ABI3BP: variants seen among roughly 807,000 people sequenced by gnomAD.
ABI3BP encodes the protein ABI family member 3 binding protein, also known as target of Nesh-SH3.
In ABI3BP, 216 loss-of-function variants were observed where a neutral mutation model predicts 268.6. The ratio of observed to expected loss-of-function variants is 0.80; its 90% CI spans 0.72 to 0.90. The LOEUF (loss-of-function observed/expected upper bound fraction) is 0.90. ABI3BP is among the 40% of genes least tolerant of loss of function. The pLI, the probability that ABI3BP is intolerant of heterozygous loss-of-function variation, is 0.00. For missense variants in ABI3BP, 2,090 were observed against 2,182.4 expected, an observed-to-expected ratio of 0.96 and a Z score of 0.84; for synonymous variants, 730 against 730.0, an observed-to-expected ratio of 1.00 and a Z score of 0.00.
intron 12 of ABI3BP, chr3:100,863,764 C>A (rs1369895680): frequency 4.2e-5 from 20 of 475,386 alleles, no homozygotes; most frequent in Non-Finnish European, 6.4e-5. Context: ...TGTTCAGTGA[C>A]ATATTGATTC....
At chr3:100,764,106 C>T (rs1422363753) in intron 63 of ABI3BP, among the ~76,000 whole-genome samples, 2 of 152,182 alleles carry the variant, frequency 1.3e-5, no homozygotes, top group Non-Finnish European at 2.9e-5. Context: ...ACAACCATGC[C>T]ATTTTGGCCC....
intron 2 of ABI3BP, among the ~76,000 whole-genome samples, chr3:100,910,496 A>AAAATAAATTCTATTTCTTTCTACG (rs1561554033): frequency 2.6e-5 from 4 of 151,676 alleles, no homozygotes; most frequent in Admixed American, 2.6e-4. Context: ...TTCTTTCTAC[A>AAAATAAATTCTATTTCTTTCTACG]TTGTGAAAAT....
chr3:100,985,140 AC>A (rs1436696727), intron 1 of ABI3BP, among the ~76,000 whole-genome samples: 34 of 128,708 alleles, frequency 2.6e-4, no homozygotes, highest in Non-Finnish European at 4.8e-4. Context: ...TCAGAAAAGC[AC>A]TTTTTTTTTT....
intron 24 of ABI3BP, 96 bp downstream of exon 24, chr3:100,839,473 T>C: frequency 8.0e-7 from 1 of 1,252,352 alleles, no homozygotes; most frequent in Admixed American, 2.0e-5. Flanking sequence ...GAAACTGTGA[T>C]GAGGTGGTGG....
intron 3 of ABI3BP, among the ~76,000 whole-genome samples, chr3:100,900,657 A>G (rs2153488904): frequency 6.6e-6 from 1 of 152,290 alleles, no homozygotes; most frequent in South Asian, 2.1e-4. Flanking sequence ...ATCTTAATAT[A>G]AAAATAATTA....
Position 100,804,821 on chromosome 3 carries a change from G to T in ABI3BP, c.3728C>A (p.Pro1243Gln). 1 of 1,613,118 alleles carries T rather than the reference G, an allele frequency of 6.2e-7. No homozygotes were observed. The highest frequency in any genetic ancestry group is 8.5e-7 in the Non-Finnish European group (1 of 1,179,236). ...QRVTAKPKTSPSPEVSYTTPA... is the reference protein window; with the variant it reads ...QRVTAKPKTSQSPEVSYTTPA... ...TGTGGTGTATGACACTTCTGGACTTGGTGACGTTTTTGGTTTTGCAGTAAC... is the reference window on the plus strand; with the variant it reads ...TGTGGTGTATGACACTTCTGGACTTTGTGACGTTTTTGGTTTTGCAGTAAC... Residue 1243 changes from proline (P) to glutamine (Q), a missense_variant, in exon 51 of 68, where the codon CCA becomes CAA. Transcript: ENST00000471714.
chr3:100,804,050 G>C (rs2097617687), intron 51 of ABI3BP, among the ~76,000 whole-genome samples: 2 of 152,154 alleles, frequency 1.3e-5, no homozygotes, highest in Non-Finnish European at 2.9e-5. Flanking sequence ...TAAAAGGAAA[G>C]AGAAAAAACT....
intron 50 of ABI3BP, among the ~76,000 whole-genome samples, 171 bp downstream of exon 50, chr3:100,807,990 C>A (rs1578430502): frequency 6.6e-6 from 1 of 151,924 alleles, no homozygotes; most frequent in Non-Finnish European, 1.5e-5. Flanking sequence ...CAATGATGTA[C>A]TTTTTTAGTA....
At chr3:100,968,107 C>T (rs2082060854) in intron 1 of ABI3BP, among the ~76,000 whole-genome samples, 1 of 152,160 alleles carries the variant, frequency 6.6e-6, no homozygotes, top group African/African-American at 2.4e-5. Flanking sequence ...ACAATCTGGC[C>T]ATACCTGCCC....
intron 15 of ABI3BP, 25 bp downstream of exon 15, chr3:100,851,850 G>A (rs180785810): frequency 4.5e-6 from 7 of 1,559,360 alleles, no homozygotes; most frequent in Non-Finnish European, 5.2e-6. Context: ...GGGATCCAAA[G>A]ACAGAATTGA....
chr3:100,851,889 G>A lies in ABI3BP; in HGVS notation c.1337C>T (p.Ser446Leu). The A allele has an allele frequency of 6.3e-7, 1 of 1,590,060 alleles. No homozygotes were observed. Among genetic ancestry groups the A allele is most frequent in the Non-Finnish European group, 8.6e-7 (1 of 1,168,782 alleles). ...GCCAGATATACCTGTGTAGGAATCT[G>A]ATATCTCAGGCTCATCTGATGTTGT... ...SPTTSDEPEI[S>L]DSYTATSDRI... The change falls in exon 15 of 68, where the codon TCA becomes TTA. Residue 446 changes from serine to leucine, a missense_variant. Coordinates refer to ENST00000471714, the MANE Select transcript of ABI3BP (RefSeq NM_001375547.2).
At chr3:100,962,068 A>G (rs2079336501) in intron 1 of ABI3BP, among the ~76,000 whole-genome samples, 1 of 152,156 alleles carries the variant, frequency 6.6e-6, no homozygotes, top group Non-Finnish European at 1.5e-5. Context: ...GTATAAATTC[A>G]TGGTCACTAA....
intron 63 of ABI3BP, among the ~76,000 whole-genome samples, chr3:100,757,594 C>G (rs1280023170): frequency 6.6e-6 from 1 of 152,108 alleles, no homozygotes; most frequent in Non-Finnish European, 1.5e-5. Context: ...ATAACTTTTC[C>G]TCAAGATTTA....
In ABI3BP at chr3:100,876,492, T is replaced by G; in HGVS notation, c.745+20A>C. The G allele has an allele frequency of 6.2e-7, 1 of 1,604,758 alleles. No individual in the cohort carries two copies. Among genetic ancestry groups the G allele is most frequent in the Non-Finnish European group, 8.5e-7 (1 of 1,172,094 alleles). Reference sequence around the variant, plus strand: ...ATGTTAAAGATTGCTCTAAACACATTTCCAGAGCAGACAAATTACCTTGCT... The same window carrying G: ...ATGTTAAAGATTGCTCTAAACACATGTCCAGAGCAGACAAATTACCTTGCT... On this transcript the variant is annotated intron_variant, in intron 7 of 67. Transcript: ENST00000471714.
chr3:100,827,613 C>T (rs987859958), intron 34 of ABI3BP, among the ~76,000 whole-genome samples: 3 of 152,038 alleles, frequency 2.0e-5, no homozygotes, highest in African/African-American at 7.2e-5. Context: ...GTAGATTTTC[C>T]TGAACTTCAG....
chr3:100,916,643 T>C (rs1229041211), intron 2 of ABI3BP, among the ~76,000 whole-genome samples: 2 of 152,184 alleles, frequency 1.3e-5, no homozygotes, highest in Non-Finnish European at 2.9e-5. Context: ...TTGTAAGTGC[T>C]CAAAAATATT....
chr3:100,890,361 T>C lies in ABI3BP; in HGVS notation c.462-4038A>G, dbSNP rs186693640. Among the ~76,000 whole-genome samples the C allele has an allele frequency of 1.1e-4, 16 of 152,230 alleles. No individual in the cohort carries two copies. The East Asian group carries it at 2.9e-3, about 28-fold the overall frequency. On this transcript the variant is annotated intron_variant, in intron 4 of 67. Transcript: ENST00000471714. ...AAAAATTCTGCCCTCATTCCCTTCC[T>C]CTAAAGGGTCTCTCTTCCCCTTCAT...
At chr3:100,900,354 G>T (rs1038855394) in intron 3 of ABI3BP, among the ~76,000 whole-genome samples, 1 of 152,150 alleles carries the variant, frequency 6.6e-6, no homozygotes, top group East Asian at 1.9e-4. Flanking sequence ...TTTCACTAAC[G>T]TGATGCAACG....
intron 1 of ABI3BP, among the ~76,000 whole-genome samples, chr3:100,940,583 C>A (rs1318589770): frequency 6.6e-6 from 1 of 150,740 alleles, no homozygotes; most frequent in African/African-American, 2.4e-5. Flanking sequence ...CCATTCCGAC[C>A]TTTCCTCATA....
Sources: gnomAD v4.1 joint callset for allele counts (sites outside exome capture counted in the v4.1 genomes callset) on GRCh38, gnomAD v4.1.1 for gene constraint, MANE v1.5 for transcripts, NCBI Gene and HGNC (gene_info 2026-07-23, HGNC 2026-07-21) for gene names.